The following ANKS1B variants were observed in gnomAD, a reference collection of about 807,000 sequenced individuals.
ANKS1B encodes the protein ankyrin repeat and sterile alpha motif domain containing 1B.
A neutral mutation model predicts 148.3 loss-of-function variants in ANKS1B; 36 were observed. The observed-to-expected ratio is 0.24, with a 90% confidence interval of 0.19 to 0.32. The LOEUF is 0.32. ANKS1B is among the 10% of genes least tolerant of loss of function. The pLI is 1.00. For missense variants in ANKS1B, 1,157 were observed against 1,542.6 expected, an observed-to-expected ratio of 0.75 and a Z score of 4.19; for synonymous variants, 542 against 560.8, an observed-to-expected ratio of 0.97 and a Z score of 0.47.
At chr12:99,623,662 C>A (rs1013176881) in intron 9 of ANKS1B, among the ~76,000 whole-genome samples, 5 of 151,556 alleles carry the variant, frequency 3.3e-5, no homozygotes, top group African/African-American at 4.8e-5. Context: ...ACAATGGTCA[C>A]CAAAAAATAA....
intron 1 of ANKS1B, among the ~76,000 whole-genome samples, chr12:99,928,289 T>TTTTTA: frequency 6.7e-6 from 1 of 149,692 alleles, no homozygotes; most frequent in African/African-American, 2.4e-5. Context: ...TTTTTTTTTT[T>TTTTTA]GAGACGGAGT....
chr12:99,911,702 C>T (rs549327587), intron 1 of ANKS1B, among the ~76,000 whole-genome samples: 1 of 152,154 alleles, frequency 6.6e-6, no homozygotes, highest in Non-Finnish European at 1.5e-5. Context: ...AAAAACCCAA[C>T]GTACTCATCA....
chr12:99,052,748 A>AAAAAG (rs1217792271), intron 17 of ANKS1B, among the ~76,000 whole-genome samples: 1 of 144,560 alleles, frequency 6.9e-6, no homozygotes, highest in Non-Finnish European at 1.5e-5. Context: ...AAAAAAAAAA[A>AAAAAG]AAAAAAAAAA....
chr12:99,342,658 C>A (rs1025236937), intron 12 of ANKS1B, among the ~76,000 whole-genome samples: 7 of 151,964 alleles, frequency 4.6e-5, no homozygotes, highest in African/African-American at 1.7e-4. Flanking sequence ...CTAAAATTAT[C>A]AAAACATATT....
chr12:99,854,516 T>G (rs7970304), intron 1 of ANKS1B, among the ~76,000 whole-genome samples: 10,660 of 152,156 alleles, frequency 0.07, 515 homozygotes, highest in South Asian at 0.13. Context: ...TTTCTAGAGA[T>G]CTAGACATCT....
chr12:99,106,650 A>G (rs776807265), intron 15 of ANKS1B, among the ~76,000 whole-genome samples: 1 of 152,234 alleles, frequency 6.6e-6, no homozygotes, highest in Non-Finnish European at 1.5e-5. Context: ...TACAAAGTGT[A>G]ATGATCAAAT....
intron 8 of ANKS1B, among the ~76,000 whole-genome samples, chr12:99,700,396 T>C (rs1013025692): frequency 1.3e-5 from 2 of 152,180 alleles, no homozygotes; most frequent in Non-Finnish European, 2.9e-5. Context: ...AATAGGAACA[T>C]GCTTCTTTTC....
At chr12:99,871,478 T>C (rs1360041665) in intron 1 of ANKS1B, among the ~76,000 whole-genome samples, 1 of 152,200 alleles carries the variant, frequency 6.6e-6, no homozygotes, top group African/African-American at 2.4e-5. Context: ...AGGAATAGTA[T>C]TGAATCTGTA....
chr12:99,246,331 G>T lies in ANKS1B; in HGVS notation c.2290C>A (p.His764Asn), dbSNP rs1442927468. 6.2e-7 allele frequency: 1 copy of T among 1,612,388 alleles called. No homozygotes were observed. The highest frequency in any genetic ancestry group is 1.3e-5 in the African/African-American group (1 of 74,858). Residue 764 changes from histidine to asparagine, a missense_variant, in exon 13 of 27, where the codon CAC becomes AAC. Transcript: ENST00000683438. ...VNWSESSTAEHSSKGNSERTP... is the reference protein window; with the variant it reads ...VNWSESSTAENSSKGNSERTP... ...CTTTCAGAATTCCCTTTAGAACTGT[G>T]TTCAGCAGTGGAAGATTCACTCCAG...
intron 9 of ANKS1B, among the ~76,000 whole-genome samples, chr12:99,568,761 T>C (rs1403686074): frequency 1.3e-5 from 2 of 152,166 alleles, no homozygotes; most frequent in East Asian, 3.8e-4. Flanking sequence ...TAATTTATCC[T>C]TGCAATTGTC....
At chr12:99,921,099 T>G (rs2094337721) in intron 1 of ANKS1B, among the ~76,000 whole-genome samples, 2 of 152,158 alleles carry the variant, frequency 1.3e-5, no homozygotes, top group Non-Finnish European at 2.9e-5. Context: ...GACCAGGTGA[T>G]ATGGTTTGGC....
intron 1 of ANKS1B, among the ~76,000 whole-genome samples, chr12:99,971,264 C>A (rs2095554876): frequency 2.0e-5 from 3 of 152,182 alleles, no homozygotes; most frequent in Admixed American, 1.3e-4. Flanking sequence ...TATCAACCTT[C>A]AGGATGACAG....
intron 4 of ANKS1B, among the ~76,000 whole-genome samples, chr12:99,805,294 A>C (rs2153660752): frequency 6.8e-6 from 1 of 147,576 alleles, no homozygotes; most frequent in African/African-American, 2.5e-5. Flanking sequence ...AAAAAGACTA[A>C]CCCTGGAGTT....
At chr12:99,726,072 A>C (rs144610189) in intron 8 of ANKS1B, among the ~76,000 whole-genome samples, 1 of 152,194 alleles carries the variant, frequency 6.6e-6, no homozygotes, top group African/African-American at 2.4e-5. Flanking sequence ...CCTCACAATT[A>C]AAAGAGCTAG....
chr12:99,382,825 C>G (rs181587774), intron 12 of ANKS1B, among the ~76,000 whole-genome samples: 1 of 151,882 alleles, frequency 6.6e-6, no homozygotes, highest in Non-Finnish European at 1.5e-5. Flanking sequence ...GCCCTCTGTT[C>G]CAACTGATTT....
At chr12:99,269,865 C>A (rs1158168950) in intron 12 of ANKS1B, among the ~76,000 whole-genome samples, 2 of 152,078 alleles carry the variant, frequency 1.3e-5, no homozygotes, top group Non-Finnish European at 2.9e-5. Flanking sequence ...GGCCGACTTG[C>A]TCATTATTTT....
At chr12:98,898,896 G>C in intron 17 of ANKS1B, among the ~76,000 whole-genome samples, 1 of 152,110 alleles carries the variant, frequency 6.6e-6, no homozygotes, top group East Asian at 1.9e-4. Flanking sequence ...GAATGCAACC[G>C]TCAACATAAA....
intron 11 of ANKS1B, among the ~76,000 whole-genome samples, chr12:99,417,655 C>A (rs1430417631): frequency 6.6e-6 from 1 of 152,130 alleles, no homozygotes; most frequent in Non-Finnish European, 1.5e-5. Context: ...ATCTTTGCTA[C>A]ACTGAGTCTT....
At chr12:99,687,819 T>C (rs2098658092) in intron 8 of ANKS1B, among the ~76,000 whole-genome samples, 1 of 152,224 alleles carries the variant, frequency 6.6e-6, no homozygotes, top group South Asian at 2.1e-4. Context: ...CTGTTTCTAC[T>C]GATTTATTTA....
Sources: gnomAD v4.1 joint callset for allele counts (sites outside exome capture counted in the v4.1 genomes callset) on GRCh38, gnomAD v4.1.1 for gene constraint, MANE v1.5 for transcripts, NCBI Gene and HGNC (gene_info 2026-07-23, HGNC 2026-07-21) for gene names.